KCNQ1: variants seen among roughly 807,000 people sequenced by gnomAD.
KCNQ1 encodes potassium voltage-gated channel subfamily Q member 1.
In KCNQ1, 49 loss-of-function variants were observed where a neutral mutation model predicts 72.4. That is an observed-to-expected ratio of 0.68 (90% CI 0.54 to 0.86). KCNQ1 has a LOEUF of 0.86. Among genes scored for constraint, KCNQ1 ranks in the 40% least tolerant of loss-of-function variants. The pLI, the probability that KCNQ1 is intolerant of heterozygous loss-of-function variation, is 0.00. For missense variants in KCNQ1, 790 were observed against 945.1 expected (o/e 0.84, Z 2.15); for synonymous variants, 450 against 412.6 (o/e 1.09, Z -1.10).
chr11:2,546,341 A>G (rs887304135), intron 2 of KCNQ1, among the ~76,000 whole-genome samples: 1 of 152,162 alleles, frequency 6.6e-6, no homozygotes, highest in African/African-American at 2.4e-5. Context: ...TTAAGACTTG[A>G]TTTAGGGCCC....
chr11:2,702,038 C>T (rs1850823957), intron 11 of KCNQ1, among the ~76,000 whole-genome samples: 1 of 152,242 alleles, frequency 6.6e-6, no homozygotes, highest in Admixed American at 6.5e-5. Context: ...AGCTCAATTC[C>T]AGCCTCACTG....
intron 4 of KCNQ1, among the ~76,000 whole-genome samples, chr11:2,571,776 G>A (rs2133729781): frequency 6.6e-6 from 1 of 152,320 alleles, no homozygotes; most frequent in East Asian, 1.9e-4. Flanking sequence ...GGAGGTACCT[G>A]GCCGACCCCC....
intron 1 of KCNQ1, among the ~76,000 whole-genome samples, chr11:2,480,230 G>A (rs1846631360): frequency 6.6e-6 from 1 of 152,046 alleles, no homozygotes; most frequent in Admixed American, 6.6e-5. Context: ...CACATTTTTG[G>A]GTATCTTTAC....
intron 11 of KCNQ1, among the ~76,000 whole-genome samples, chr11:2,754,006 G>A (rs889838330): frequency 6.6e-6 from 1 of 152,202 alleles, no homozygotes; most frequent in Non-Finnish European, 1.5e-5. Context: ...CAAAGGACTT[G>A]AGCAGACATT....
Position 2,601,742 on chromosome 11 carries a change from G to A in KCNQ1, c.1393+12888G>A, listed in dbSNP as rs1424487018. Among the ~76,000 whole-genome samples the A allele has an allele frequency of 2.6e-5, 4 of 152,254 alleles. No individual in the cohort carries two copies. Among genetic ancestry groups the A allele is most frequent in the Admixed American group, 1.3e-4 (2 of 15,282 alleles). On this transcript the variant is annotated intron_variant, in intron 10 of 15. Transcript: ENST00000155840. This position sits in a 1 kb window ranked among gnomAD's most constrained non-coding sequence, Gnocchi z 5.2. ...ATTCATTCCGGTTGTTTTGTATCGC[G>A]ACAGTTCATTAAATCATAGTGCTGA...
At chr11:2,729,383 C>A (rs1845814848) in intron 11 of KCNQ1, among the ~76,000 whole-genome samples, 1 of 152,220 alleles carries the variant, frequency 6.6e-6, no homozygotes, top group African/African-American at 2.4e-5. Context: ...ATAGTGAAGT[C>A]CTTAAAGTGA....
chr11:2,790,383 C>T lies in KCNQ1; in HGVS notation c.1794+12346C>T, dbSNP rs112939692. Among the ~76,000 whole-genome samples, 284 of 152,334 alleles carry T rather than the reference C, an allele frequency of 1.9e-3. 1 individual carries two copies. Among genetic ancestry groups the T allele is most frequent in the African/African-American group, 6.2e-3 (258 of 41,580 alleles). ...GACAGCCGGGCCAAGCCCCATCCTG[C>T]AGGTGCAGTCTCACTTTGTCACTCT... On this transcript the variant is annotated intron_variant, in intron 15 of 15. Coordinates refer to ENST00000155840, the MANE Select transcript of KCNQ1 (RefSeq NM_000218.3).
At chr11:2,452,928 T>A (rs1846136141) in intron 1 of KCNQ1, among the ~76,000 whole-genome samples, 1 of 152,142 alleles carries the variant, frequency 6.6e-6, no homozygotes, top group Non-Finnish European at 1.5e-5. Flanking sequence ...ACTTGTCACA[T>A]CACACACCAG....
rs1847155588 is a variant in KCNQ1, at chr11:2,509,316, CATT to C, written c.387-18611_387-18609del. Among the ~76,000 whole-genome samples, 1 of 152,182 alleles carries C rather than the reference CATT, an allele frequency of 6.6e-6. No individual in the cohort carries two copies. The highest frequency in any genetic ancestry group is 6.5e-5 in the Admixed American group (1 of 15,284). On this transcript the variant is annotated intron_variant, in intron 1 of 15. Coordinates refer to ENST00000155840, the MANE Select transcript of KCNQ1 (RefSeq NM_000218.3). This position sits in a 1 kb window ranked among gnomAD's most constrained non-coding sequence, Gnocchi z 6.3. ...CCAGGGCCCCTTCCCTTGGCATCAT[CATT>C]GTTTCCCCTCCATGTTCAAGTTCAG...
In KCNQ1 at chr11:2,475,084, C is replaced by T. The variant is rs1353574484; in HGVS notation, c.386+29600C>T. Among the ~76,000 whole-genome samples, 1 of 152,178 alleles carries T rather than the reference C, an allele frequency of 6.6e-6. No homozygotes were observed. Among genetic ancestry groups the T allele is most frequent in the Non-Finnish European group, 1.5e-5 (1 of 68,038 alleles). On this transcript the variant is annotated intron_variant, in intron 1 of 15. Transcript: ENST00000155840. The surrounding 1 kb of genome is among the most constrained non-coding windows in gnomAD (Gnocchi z 5.8). ...TACTCGCAGTGCTAGGCGTCCGACA[C>T]GTCTTTCTAATTCCTGAACATTTCC...
At chr11:2,844,862 A>T (rs1848288928) in intron 15 of KCNQ1, among the ~76,000 whole-genome samples, 1 of 152,198 alleles carries the variant, frequency 6.6e-6, no homozygotes, top group Admixed American at 6.5e-5. Context: ...TTGATACCCA[A>T]GCTGGGGCCT....
chr11:2,754,401 C>A (rs1040011126), intron 11 of KCNQ1, among the ~76,000 whole-genome samples: 2 of 152,220 alleles, frequency 1.3e-5, no homozygotes, highest in East Asian at 3.8e-4. Context: ...TCTAAAATTT[C>A]TATGGCTGAA....
chr11:2,517,179 C>T (rs1847301856), intron 1 of KCNQ1, among the ~76,000 whole-genome samples: 1 of 152,194 alleles, frequency 6.6e-6, no homozygotes, highest in Non-Finnish European at 1.5e-5. Flanking sequence ...ACTGCAAGGC[C>T]TGAGCGTCCA....
intron 11 of KCNQ1, among the ~76,000 whole-genome samples, chr11:2,727,695 G>A (rs768015335): frequency 6.6e-6 from 1 of 152,160 alleles, no homozygotes; most frequent in Non-Finnish European, 1.5e-5. Flanking sequence ...AACCTGCAGA[G>A]ATCAGCCTCC....
Position 2,541,237 on chromosome 11 carries a change from G to A in KCNQ1, c.477+13219G>A, listed in dbSNP as rs544531070. Among the ~76,000 whole-genome samples, 3 of 152,356 alleles carry A rather than the reference G, an allele frequency of 2.0e-5. No homozygotes were observed. The highest frequency in any genetic ancestry group is 4.8e-5 in the African/African-American group (2 of 41,590). On this transcript the variant is annotated intron_variant, in intron 2 of 15. Coordinates refer to ENST00000155840, the MANE Select transcript of KCNQ1 (RefSeq NM_000218.3). The surrounding 1 kb of genome is among the most constrained non-coding windows in gnomAD (Gnocchi z 4.8). ...GAGAACAAAATGTCAAGTGTGTGCCGAGAGGCGCAGGCCAGCCCCTTTTCC... is the reference window on the plus strand; with the variant it reads ...GAGAACAAAATGTCAAGTGTGTGCCAAGAGGCGCAGGCCAGCCCCTTTTCC...
intron 11 of KCNQ1, among the ~76,000 whole-genome samples, chr11:2,733,804 A>C (rs71476686): frequency 2.8e-5 from 1 of 35,720 alleles, no homozygotes; most frequent in African/African-American, 1.8e-4. Context: ...ACACACACAC[A>C]CACACACACA....
intron 11 of KCNQ1, among the ~76,000 whole-genome samples, chr11:2,705,155 C>A (rs1850885376): frequency 6.6e-6 from 1 of 152,220 alleles, no homozygotes; most frequent in Admixed American, 6.5e-5. Context: ...TCGGGGAATG[C>A]CCTCAGACAA....
chr11:2,696,191 C>T (rs1850673292), intron 11 of KCNQ1: 2 of 398,492 alleles, frequency 5.0e-6, no homozygotes, highest in South Asian at 1.3e-4. Context: ...CCACGGCCAC[C>T]CTGGCCCTGG....
chr11:2,825,566 G>A (rs570585641), intron 15 of KCNQ1, among the ~76,000 whole-genome samples: 13 of 152,098 alleles, frequency 8.5e-5, no homozygotes, highest in East Asian at 3.9e-4. Flanking sequence ...GTTAGATGTC[G>A]TCGTCTTCAA....
Sources: gnomAD v4.1 joint callset for allele counts (sites outside exome capture counted in the v4.1 genomes callset) on GRCh38, gnomAD v4.1.1 for gene constraint, Gnocchi (gnomAD v3.1) non-coding constraint, MANE v1.5 for transcripts, NCBI Gene and HGNC (gene_info 2026-07-23, HGNC 2026-07-21) for gene names.